Variants in ST8SIA4 observed in about 807,000 individuals in gnomAD.
ST8SIA4 encodes the protein CMP-N-acetylneuraminate-poly-alpha-2,8-sialyltransferase.
ST8SIA4 carries 15 observed loss-of-function variants against 33.9 expected under a neutral mutation model. The observed-to-expected ratio is 0.44, with a 90% CI of 0.30 to 0.68. The LOEUF is 0.68. Ranked by LOEUF, ST8SIA4 falls within the 30% of genes least tolerant of loss-of-function variation. ST8SIA4 has a pLI of 0.10. For synonymous variants in ST8SIA4, 171 were observed against 151.2 expected (o/e 1.13, Z -0.96); for missense variants, 321 against 428.0 (o/e 0.75, Z 2.21).
In ST8SIA4 at chr5:100,903,109, T is replaced by G; in HGVS notation, c.-154A>C. On this transcript the variant is annotated 5_prime_UTR_variant, in exon 1 of 5. Coordinates refer to ENST00000231461, the MANE Select transcript of ST8SIA4 (RefSeq NM_005668.6). The stretch of plus-strand genomic sequence containing the variant: ...CCGGGATCAGATCACTGGGGTCTTC[T>G]GTGGCCGAGCTCCCTCTGGTCCTCG... 1 of 612,774 alleles carries G rather than the reference T, an allele frequency of 1.6e-6. No homozygotes were observed. Among genetic ancestry groups the G allele is most frequent in the South Asian group, 2.0e-5 (1 of 50,048 alleles). The allele number at this position is 612,774 out of a possible 1,614,324, so 38.0% of individuals were successfully genotyped here. A position where few individuals can be genotyped will look rare whatever the true frequency, so the allele number is the denominator to read the frequency against.
In ST8SIA4 at chr5:100,886,508, T is replaced by C; in HGVS notation, c.338A>G (p.Asp113Gly). ...KPGDVIHYVL[D>G]RRRTLNISHD... ...AGAAATGTTTAGTGTCCGGCGCCTG[T>C]CAAGCACATAGTGTATGACATCACC... The change falls in exon 3 of 5, where the codon GAC (aspartate) becomes GGC (glycine). Residue 113 changes from aspartate (D) to glycine (G), a missense_variant. Physicochemically the swap from Asp to Gly is moderately conservative, Grantham distance 94. Transcript: ENST00000231461. The C allele has an allele frequency of 6.2e-7, 1 of 1,613,906 alleles. No individual in the cohort carries two copies. The highest frequency in any genetic ancestry group is 8.5e-7 in the Non-Finnish European group (1 of 1,179,804).
intron 4 of ST8SIA4, chr5:100,849,581 G>T: frequency 2.6e-6 from 1 of 379,376 alleles, no homozygotes; most frequent in Non-Finnish European, 3.6e-6. Flanking sequence ...TGCAGTTCGA[G>T]AGCAGCCTGG....
At chr5:100,843,304 T>G (rs1265383404) in intron 4 of ST8SIA4, among the ~76,000 whole-genome samples, 1 of 151,860 alleles carries the variant, frequency 6.6e-6, no homozygotes, top group Non-Finnish European at 1.5e-5. Flanking sequence ...GAAAACAATT[T>G]GATGTTGACA....
At chr5:100,884,985 C>A (rs1490441152) in intron 3 of ST8SIA4, among the ~76,000 whole-genome samples, 1 of 147,702 alleles carries the variant, frequency 6.8e-6, no homozygotes, top group Non-Finnish European at 1.5e-5. Flanking sequence ...TACATTGCAA[C>A]AATTTTGATT....
At chr5:100,878,338 T>G (rs1246862067) in intron 3 of ST8SIA4, among the ~76,000 whole-genome samples, 1 of 152,010 alleles carries the variant, frequency 6.6e-6, no homozygotes, top group Admixed American at 6.6e-5. Context: ...CCACCAGGCC[T>G]GGCTAATTTT....
chr5:100,844,794 G>C (rs966376744), intron 4 of ST8SIA4, among the ~76,000 whole-genome samples: 1 of 151,848 alleles, frequency 6.6e-6, no homozygotes, highest in Non-Finnish European at 1.5e-5. Context: ...TAAGTTTATA[G>C]CTAAAGGCTT....
At position 100,833,128 on chromosome 5, in the gene ST8SIA4, T is replaced by C. The variant is rs549189101; in HGVS notation, c.798-20999A>G. ...TATTTGGCATAAGTTTTATAAATTCTTATTGGTTAACATATTATTTTGCAG... is the reference window on the plus strand; with the variant it reads ...TATTTGGCATAAGTTTTATAAATTCCTATTGGTTAACATATTATTTTGCAG... On this transcript the variant is annotated intron_variant, in intron 4 of 4. Transcript: ENST00000231461. 2.0e-5 allele frequency among the ~76,000 whole-genome samples: 3 copies of C among 152,278 alleles called. No individual in the cohort carries two copies. In the South Asian group the frequency reaches 6.2e-4, roughly 32 times the overall value.
At chr5:100,878,556 G>A (rs1433965167) in intron 3 of ST8SIA4, among the ~76,000 whole-genome samples, 2 of 151,998 alleles carry the variant, frequency 1.3e-5, no homozygotes, top group African/African-American at 2.4e-5. Context: ...ATTGAACCTT[G>A]ATACAACCAT....
At chr5:100,816,548 A>G (rs761102917) in intron 4 of ST8SIA4, 1 of 524,068 alleles carries the variant, frequency 1.9e-6, no homozygotes, top group African/African-American at 2.0e-5. Context: ...ACTGCAATTA[A>G]TTTTATACCA....
chr5:100,832,600 CCTAA>C (rs755579059), intron 4 of ST8SIA4, among the ~76,000 whole-genome samples: 47 of 152,064 alleles, frequency 3.1e-4, no homozygotes, highest in Non-Finnish European at 4.9e-4. Flanking sequence ...TTAATACATC[CCTAA>C]CTAACTTCCA....
At chr5:100,870,472 A>G (rs1322388494) in intron 3 of ST8SIA4, among the ~76,000 whole-genome samples, 1 of 152,182 alleles carries the variant, frequency 6.6e-6, no homozygotes, top group Non-Finnish European at 1.5e-5. Context: ...TTACATTTCC[A>G]AATGCATTTT....
In ST8SIA4 at chr5:100,866,384, T is replaced by C. The variant is rs537077674; in HGVS notation, c.504-9988A>G. ...AAAAGTGCTATATCTTGATTAATTG[T>C]TTAATTTAATGATCACATTTTTCCT... On this transcript the variant is annotated intron_variant, in intron 3 of 4. Coordinates refer to ENST00000231461, the MANE Select transcript of ST8SIA4 (RefSeq NM_005668.6). Among the ~76,000 whole-genome samples, 19 of 152,148 alleles carry C rather than the reference T, an allele frequency of 1.2e-4. No homozygotes were observed. In the East Asian group the frequency reaches 2.3e-3, roughly 19 times the overall value.
chr5:100,883,116 A>G (rs1406633579), intron 3 of ST8SIA4, among the ~76,000 whole-genome samples: 1 of 152,178 alleles, frequency 6.6e-6, no homozygotes, highest in Non-Finnish European at 1.5e-5. Context: ...GCCGCACTCA[A>G]TGCTAGTGCG....
chr5:100,849,585 A>G, intron 4 of ST8SIA4: 1 of 358,624 alleles, frequency 2.8e-6, no homozygotes, highest in Non-Finnish European at 3.9e-6. Context: ...GTTCGAGAGC[A>G]GCCTGGCCAA....
At chr5:100,882,692 C>G in intron 3 of ST8SIA4, among the ~76,000 whole-genome samples, 1 of 152,188 alleles carries the variant, frequency 6.6e-6, no homozygotes, top group South Asian at 2.1e-4. Context: ...CTGTGTGCAG[C>G]CTAGGGACTT....
In ST8SIA4 at chr5:100,807,307, T is replaced by C. The variant is rs954896282; in HGVS notation, c.*4540A>G. 1 of 152,616 alleles carries C rather than the reference T, an allele frequency of 6.6e-6. No homozygotes were observed. Among genetic ancestry groups the C allele is most frequent in the Non-Finnish European group, 1.5e-5 (1 of 67,990 alleles). The allele number at this position is 152,616 out of a possible 1,614,324, so 9.5% of individuals were successfully genotyped here. On this transcript the variant is annotated 3_prime_UTR_variant, in exon 5 of 5. Transcript: ENST00000231461. Reference sequence around the variant, plus strand: ...GAAAACAGTGTTGAACAGAATGAACTTGAACTTGACAGAATAAACCTCATC... The same window carrying C: ...GAAAACAGTGTTGAACAGAATGAACCTGAACTTGACAGAATAAACCTCATC...
Position 100,886,593 on chromosome 5 carries a change from T to C in ST8SIA4, c.253A>G (p.Ile85Val), listed in dbSNP as rs772615829. The C allele has an allele frequency of 6.0e-5, 96 of 1,612,074 alleles. No individual in the cohort carries two copies. Among genetic ancestry groups the C allele is most frequent in the Non-Finnish European group, 7.8e-5 (92 of 1,178,418 alleles). The change falls in exon 3 of 5, where the codon ATA (isoleucine) becomes GTA (valine). Residue 85 changes from isoleucine to valine, a missense_variant. By Grantham distance (29) the Ile-to-Val change is conservative (BLOSUM62 3). Coordinates refer to ENST00000231461, the MANE Select transcript of ST8SIA4 (RefSeq NM_005668.6). ...CGTTCTGCATCTAAGAAACGAAGTA[T>C]GTTCTTCCTGTATTTGAAATACAAG... ...SSLVLEIRKN[I>V]LRFLDAERDV...
At chr5:100,854,753 A>G (rs1356930999) in intron 4 of ST8SIA4, among the ~76,000 whole-genome samples, 1 of 152,220 alleles carries the variant, frequency 6.6e-6, no homozygotes, top group East Asian at 1.9e-4. Context: ...CCCAGTTCCT[A>G]TTACAGTATA....
At chr5:100,892,537 T>C (rs1423693132) in intron 2 of ST8SIA4, among the ~76,000 whole-genome samples, 1 of 151,918 alleles carries the variant, frequency 6.6e-6, no homozygotes, top group African/African-American at 2.4e-5. Flanking sequence ...GAAAATAAAA[T>C]AAGGCATATG....
Sources: allele counts gnomAD v4.1 joint callset (sites outside exome capture counted in the v4.1 genomes callset), GRCh38; gene constraint gnomAD v4.1.1; transcripts MANE v1.5; gene names NCBI Gene and HGNC (gene_info 2026-07-23, HGNC 2026-07-21).